Variants in NLGN4X observed in about 807,000 individuals in gnomAD.
NLGN4X encodes neuroligin-4, X-linked.
In NLGN4X, 3 loss-of-function variants were observed where a neutral mutation model predicts 40.3. The ratio of observed to expected loss-of-function variants is 0.07; its 90% CI spans 0.03 to 0.19. The LOEUF is 0.19. Among genes scored for constraint, NLGN4X ranks in the 10% least tolerant of loss-of-function variants. The pLI is 1.00. For synonymous variants in NLGN4X, 270 were observed against 306.8 expected, an observed-to-expected ratio of 0.88 and a Z score of 1.25; for missense variants, 382 against 708.3, an observed-to-expected ratio of 0.54 and a Z score of 5.23.
chrX:6,200,588 A>G (rs190648907), intron 1 of NLGN4X, among the ~76,000 whole-genome samples: 243 of 111,386 alleles, frequency 2.2e-3, no homozygotes, highest in African/African-American at 7.6e-3. Context: ...GGAGAAAGAC[A>G]AGGATGGGCC....
intron 2 of NLGN4X, among the ~76,000 whole-genome samples, chrX:6,091,851 T>G (rs946703091): frequency 9.0e-6 from 1 of 111,244 alleles, no homozygotes; most frequent in African/African-American, 3.3e-5. Flanking sequence ...GAGTAAGATG[T>G]TCCTCAGTAC....
At chrX:6,007,863 T>C (rs6638587) in intron 3 of NLGN4X, among the ~76,000 whole-genome samples, 37,915 of 111,048 alleles carry the variant, frequency 0.34, 5,390 homozygotes, top group East Asian at 0.77. Context: ...GGGTTGTCAA[T>C]AGTCAAATTA....
chrX:6,112,562 CTTTCTTT>C (rs2039176071), intron 2 of NLGN4X, among the ~76,000 whole-genome samples: 1 of 100,202 alleles, frequency 1.0e-5, no homozygotes, highest in African/African-American at 4.4e-5. Context: ...ATAGTCCCCG[CTTTCTTT>C]TTTTTTTTTT....
chrX:5,979,763 TATACACAC>T (rs1451086790), intron 3 of NLGN4X, among the ~76,000 whole-genome samples: 1 of 99,872 alleles, frequency 1.0e-5, no homozygotes, highest in Admixed American at 1.1e-4. Flanking sequence ...TATGTGTATA[TATACACAC>T]ATACATATAT....
chrX:5,968,663 C>T (rs911334860), intron 3 of NLGN4X, among the ~76,000 whole-genome samples: 1 of 107,645 alleles, frequency 9.3e-6, no homozygotes, highest in Non-Finnish European at 1.9e-5. Context: ...TTATTTTAAA[C>T]AAATGTGCAT....
chrX:6,147,541 T>C (rs908665593), intron 2 of NLGN4X, among the ~76,000 whole-genome samples: 2 of 111,762 alleles, frequency 1.8e-5, no homozygotes, highest in Admixed American at 9.6e-5. Flanking sequence ...GTGGACTTAG[T>C]ATGTGAGACT....
At chrX:5,920,834 T>G (rs1275821817) in intron 3 of NLGN4X, among the ~76,000 whole-genome samples, 2 of 111,143 alleles carry the variant, frequency 1.8e-5, no homozygotes, top group Non-Finnish European at 3.8e-5. Flanking sequence ...TTTCTCTTTC[T>G]GCACACTGGG....
intron 3 of NLGN4X, among the ~76,000 whole-genome samples, chrX:5,945,284 G>A (rs1361917051): frequency 2.7e-5 from 3 of 111,500 alleles, no homozygotes; most frequent in South Asian, 3.8e-4. Flanking sequence ...TACCCCATAC[G>A]AGAAACCATG....
rs1926590041 is a variant in NLGN4X, at chrX:6,228,729, G to A, written c.-494C>T. The A allele has an allele frequency of 8.9e-6, 1 of 111,735 alleles. No individual in the cohort carries two copies. Among genetic ancestry groups the A allele is most frequent in the Non-Finnish European group, 1.9e-5 (1 of 53,227 alleles). The allele number at this position is 111,735 out of a possible 1,213,427, so 9.2% of individuals were successfully genotyped here. A position where few individuals can be genotyped will look rare whatever the true frequency, so the allele number is the denominator to read the frequency against. ...AAGAGCCACCAACACCGCCTAGTTT[G>A]GAGGAAATTCGTTGTTTCTGCCGCC... On this transcript the variant is annotated 5_prime_UTR_variant, in exon 1 of 6. It introduces an in-frame stop codon into an upstream open reading frame of the 5' UTR. Coordinates refer to ENST00000381095, the MANE Select transcript of NLGN4X (RefSeq NM_181332.3).
intron 3 of NLGN4X, 46 bp downstream of exon 3, chrX:6,029,234 T>C (rs746284024): frequency 2.5e-6 from 3 of 1,194,512 alleles, no homozygotes; most frequent in South Asian, 3.5e-5. Flanking sequence ...AAGTGGACTT[T>C]TCATGTTTCC....
intron 2 of NLGN4X, among the ~76,000 whole-genome samples, chrX:6,114,102 G>A (rs1158662949): frequency 1.8e-5 from 2 of 111,644 alleles, no homozygotes; most frequent in Non-Finnish European, 3.8e-5. Flanking sequence ...TTAGAGGCAT[G>A]AGCCACCGCA....
intron 3 of NLGN4X, among the ~76,000 whole-genome samples, chrX:5,986,042 A>G (rs1486965626): frequency 8.9e-6 from 1 of 112,081 alleles, no homozygotes; most frequent in Non-Finnish European, 1.9e-5. Context: ...ATCCATAAAC[A>G]TCGTGGGAAA....
At chrX:6,178,835 G>A (rs898420556) in intron 1 of NLGN4X, among the ~76,000 whole-genome samples, 7 of 111,019 alleles carry the variant, frequency 6.3e-5, no homozygotes, top group African/African-American at 1.6e-4. Context: ...TGGGCGTGGC[G>A]GCTTATGCCT....
chrX:6,140,209 T>A (rs972767071), intron 2 of NLGN4X, among the ~76,000 whole-genome samples: 4 of 111,661 alleles, frequency 3.6e-5, no homozygotes, highest in Non-Finnish European at 7.5e-5. Context: ...TGCTGCATTC[T>A]TTCTTTCTGA....
intron 2 of NLGN4X, among the ~76,000 whole-genome samples, chrX:6,044,942 T>C (rs992984278): frequency 1.8e-5 from 2 of 112,292 alleles, no homozygotes; most frequent in African/African-American, 3.2e-5. Context: ...TAAAATAAGA[T>C]GCAGTTTCTT....
chrX:5,938,026 A>G (rs2033789889), intron 3 of NLGN4X, among the ~76,000 whole-genome samples: 1 of 111,928 alleles, frequency 8.9e-6, no homozygotes, highest in Non-Finnish European at 1.9e-5. Context: ...TAGGTTTTGT[A>G]TTCAGATTTG....
chrX:5,985,318 G>T (rs901538101), intron 3 of NLGN4X, among the ~76,000 whole-genome samples: 38 of 111,569 alleles, frequency 3.4e-4, no homozygotes, highest in African/African-American at 1.2e-3. Context: ...GCAGTGCAGT[G>T]GTGCCATCAT....
chrX:6,071,948 G>A (rs1241644853), intron 2 of NLGN4X, among the ~76,000 whole-genome samples: 1 of 110,933 alleles, frequency 9.0e-6, no homozygotes, highest in Non-Finnish European at 1.9e-5. Flanking sequence ...ACCATGCCCA[G>A]CCTGTCAGAG....
chrX:6,084,268 T>C (rs1040674470), intron 2 of NLGN4X, among the ~76,000 whole-genome samples: 3 of 111,696 alleles, frequency 2.7e-5, no homozygotes, highest in Non-Finnish European at 5.6e-5. Flanking sequence ...GAGAACCAGT[T>C]TTGGAGAACT....
Sources: gnomAD v4.1 joint callset for allele counts (sites outside exome capture counted in the v4.1 genomes callset) on GRCh38, gnomAD v4.1.1 for gene constraint, MANE v1.5 for transcripts, NCBI Gene and HGNC (gene_info 2026-07-23, HGNC 2026-07-21) for gene names.